Variants in KIAA1328 observed in about 807,000 individuals in gnomAD.
KIAA1328 encodes the protein protein hinderin.
A neutral mutation model predicts 68.1 loss-of-function variants in KIAA1328; 52 were observed. That is an observed-to-expected ratio of 0.76 (90% CI 0.61 to 0.96). The LOEUF (loss-of-function observed/expected upper bound fraction) is 0.96. Ranked by LOEUF, KIAA1328 falls within the 40% of genes least tolerant of loss-of-function variation. KIAA1328 has a pLI of 0.00. For synonymous variants in KIAA1328, 232 were observed against 239.4 expected, an observed-to-expected ratio of 0.97 and a Z score of 0.28; for missense variants, 641 against 677.6, an observed-to-expected ratio of 0.95 and a Z score of 0.60.
At chr18:37,157,808 A>AG in intron 7 of KIAA1328, among the ~76,000 whole-genome samples, 1 of 97,420 alleles carries the variant, frequency 1.0e-5, no homozygotes, top group Non-Finnish European at 2.3e-5. Context: ...ACTCCTCTCC[A>AG]AAAAAAAAAA....
chr18:36,919,069 G>T (rs2151100016), intron 5 of KIAA1328, among the ~76,000 whole-genome samples: 1 of 152,182 alleles, frequency 6.6e-6, no homozygotes, highest in East Asian at 1.9e-4. Context: ...TTAATTGTCA[G>T]TTGCATTAAG....
chr18:37,173,081 G>A lies in KIAA1328; in HGVS notation c.1523G>A (p.Arg508Gln), dbSNP rs1346288146. ...ASPSLQHTTS[R>Q]YETSLLDLVQ... is the part of the protein sequence containing the mutation. Reference sequence around the variant, plus strand: ...CCATCATTACAGCACACCACCTCCCGGTAAGCTTCAGAGATTCTTTAGTTT... The same window carrying A: ...CCATCATTACAGCACACCACCTCCCAGTAAGCTTCAGAGATTCTTTAGTTT... Residue 508 changes from arginine to glutamine, a missense_variant and splice_region_variant, in exon 9 of 10, where the codon CGG becomes CAG. Transcript: ENST00000280020. 15 of 1,602,312 alleles carry A rather than the reference G, an allele frequency of 9.4e-6. No homozygotes were observed. In the East Asian group the frequency reaches 1.1e-4, roughly 12 times the overall value.
chr18:37,077,311 T>G (rs2056775615), intron 7 of KIAA1328, among the ~76,000 whole-genome samples: 1 of 134,324 alleles, frequency 7.4e-6, no homozygotes, highest in African/African-American at 3.7e-5. Flanking sequence ...CTCAATAAAT[T>G]AGGTATTGAT....
chr18:36,925,754 G>T (rs547495573), intron 5 of KIAA1328, among the ~76,000 whole-genome samples: 1 of 151,926 alleles, frequency 6.6e-6, no homozygotes, highest in East Asian at 1.9e-4. Context: ...GCCCAGACTG[G>T]TCTCAAACTC....
At chr18:36,900,335 C>T (rs1288734684) in intron 5 of KIAA1328, among the ~76,000 whole-genome samples, 3 of 151,906 alleles carry the variant, frequency 2.0e-5, no homozygotes, top group Non-Finnish European at 2.9e-5. Context: ...CCCTACAAGG[C>T]CCATGATGGT....
At chr18:36,974,525 ATTTTCT>A (rs1325742101) in intron 6 of KIAA1328, among the ~76,000 whole-genome samples, 6 of 151,976 alleles carry the variant, frequency 3.9e-5, no homozygotes, top group East Asian at 1.9e-4. Context: ...TATATACCAC[ATTTTCT>A]TTTTCTAATC....
At chr18:36,856,936 T>C (rs1428631362) in intron 4 of KIAA1328, among the ~76,000 whole-genome samples, 2 of 152,176 alleles carry the variant, frequency 1.3e-5, no homozygotes, top group Non-Finnish European at 2.9e-5. Context: ...TTTGTTTTGT[T>C]ATTTCAATGT....
rs147781150 is a variant in KIAA1328, at chr18:36,848,111, A to G, written c.332+3809A>G. 8.3e-3 allele frequency among the ~76,000 whole-genome samples: 1,262 copies of G among 151,802 alleles called. 12 individuals carry two copies. The highest frequency in any genetic ancestry group is 0.012 in the Non-Finnish European group (829 of 67,688). ...AATCAGCTTGTCAATTTCTAAAGGAAAATTGTTTCCTGGAATTTTGGATGA... is the reference window on the plus strand; with the variant it reads ...AATCAGCTTGTCAATTTCTAAAGGAGAATTGTTTCCTGGAATTTTGGATGA... On this transcript the variant is annotated intron_variant, in intron 4 of 9. Transcript: ENST00000280020.
chr18:36,979,780 G>A (rs778968349), intron 6 of KIAA1328, among the ~76,000 whole-genome samples: 16 of 152,096 alleles, frequency 1.1e-4, no homozygotes, highest in Non-Finnish European at 1.8e-4. Flanking sequence ...TCACAGATTG[G>A]AACAATACTT....
intron 7 of KIAA1328, among the ~76,000 whole-genome samples, chr18:37,157,297 G>A (rs1327970447): frequency 2.0e-5 from 3 of 151,992 alleles, no homozygotes; most frequent in African/African-American, 7.3e-5. Context: ...ATGCCTATTG[G>A]AAGAAATTAA....
intron 7 of KIAA1328, among the ~76,000 whole-genome samples, chr18:37,159,689 G>A (rs898125557): frequency 6.6e-6 from 1 of 152,160 alleles, no homozygotes; most frequent in Non-Finnish European, 1.5e-5. Flanking sequence ...ATGAAACTAT[G>A]TAAGTATGGA....
intron 5 of KIAA1328, among the ~76,000 whole-genome samples, chr18:36,955,314 CTTTT>C (rs60361116): frequency 7.0e-5 from 9 of 129,052 alleles, no homozygotes; most frequent in Admixed American, 1.6e-4. Flanking sequence ...TTTTTCTTTT[CTTTT>C]TTTTTTTTTT....
intron 8 of KIAA1328, among the ~76,000 whole-genome samples, chr18:37,165,876 A>G (rs1376380603): frequency 6.6e-6 from 1 of 151,936 alleles, no homozygotes; most frequent in African/African-American, 2.4e-5. Context: ...AATGCTCTTT[A>G]TCGGGCTGAG....
intron 6 of KIAA1328, among the ~76,000 whole-genome samples, chr18:37,031,316 G>T (rs533360291): frequency 1.3e-5 from 2 of 151,544 alleles, no homozygotes; most frequent in East Asian, 3.9e-4. Flanking sequence ...TTTCCTTTCC[G>T]TCTTTCCACT....
intron 5 of KIAA1328, among the ~76,000 whole-genome samples, chr18:36,910,856 T>C (rs1259800868): frequency 6.6e-6 from 1 of 152,128 alleles, no homozygotes. Context: ...AGGCATTGAG[T>C]GTTTCTGCTT....
intron 9 of KIAA1328, among the ~76,000 whole-genome samples, chr18:37,216,110 T>C (rs1004670575): frequency 6.6e-6 from 1 of 152,214 alleles, no homozygotes; most frequent in Non-Finnish European, 1.5e-5. Flanking sequence ...CCTGGATTCA[T>C]TGATTTTTTG....
At chr18:36,985,223 C>T (rs904945980) in intron 6 of KIAA1328, among the ~76,000 whole-genome samples, 1 of 152,018 alleles carries the variant, frequency 6.6e-6, no homozygotes, top group Non-Finnish European at 1.5e-5. Flanking sequence ...TTGCTTGAGC[C>T]CAGGAGCTCA....
chr18:36,907,849 A>G (rs1292088800), intron 5 of KIAA1328, among the ~76,000 whole-genome samples: 1 of 152,074 alleles, frequency 6.6e-6, no homozygotes, highest in Non-Finnish European at 1.5e-5. Context: ...ATTCGTGTTA[A>G]AATTTACTAA....
chr18:36,909,470 T>G (rs1020712499), intron 5 of KIAA1328, among the ~76,000 whole-genome samples: 4 of 152,188 alleles, frequency 2.6e-5, no homozygotes, highest in African/African-American at 7.2e-5. Flanking sequence ...AACTCATCCT[T>G]TTTTATGGCT....
Sources: allele counts gnomAD v4.1 joint callset (sites outside exome capture counted in the v4.1 genomes callset), GRCh38; gene constraint gnomAD v4.1.1; transcripts MANE v1.5; gene names NCBI Gene and HGNC (gene_info 2026-07-23, HGNC 2026-07-21).